MAML2: variants seen among roughly 807,000 people sequenced by gnomAD.
MAML2 encodes the protein mastermind like transcriptional coactivator 2, also known as mastermind-like protein 2.
MAML2 carries 22 observed loss-of-function variants against 96.1 expected under a neutral mutation model. The ratio of observed to expected loss-of-function variants is 0.23; its 90% CI spans 0.16 to 0.33. MAML2 has a LOEUF of 0.33. Among genes scored for constraint, MAML2 ranks in the 10% least tolerant of loss-of-function variants. The pLI is 1.00. For synonymous variants in MAML2, 561 were observed against 521.3 expected (o/e 1.08, Z -1.04); for missense variants, 1,367 against 1,392.4 (o/e 0.98, Z 0.29).
At chr11:96,214,361 G>A (rs982257503) in intron 1 of MAML2, among the ~76,000 whole-genome samples, 6 of 152,172 alleles carry the variant, frequency 3.9e-5, no homozygotes, top group Middle Eastern at 3.2e-3. Flanking sequence ...TCCAAGTTAC[G>A]TAACTTTTCA....
intron 1 of MAML2, among the ~76,000 whole-genome samples, chr11:96,274,189 T>A (rs1022169041): frequency 5.9e-5 from 9 of 151,930 alleles, no homozygotes; most frequent in African/African-American, 1.9e-4. Context: ...TTCACGCCAT[T>A]TTCCTGCGTG....
intron 2 of MAML2, among the ~76,000 whole-genome samples, chr11:96,069,781 T>A (rs926175833): frequency 9.9e-5 from 15 of 152,060 alleles, no homozygotes; most frequent in African/African-American, 3.6e-4. Context: ...TCCCAGCACT[T>A]TGGGAGGCCG....
chr11:96,008,254 A>C (rs905127501), intron 2 of MAML2, among the ~76,000 whole-genome samples: 63 of 151,904 alleles, frequency 4.1e-4, no homozygotes, highest in Non-Finnish European at 6.8e-4. Flanking sequence ...GATTCTAGTT[A>C]CTTGTAACTG....
At chr11:96,180,474 G>A (rs896365505) in intron 1 of MAML2, among the ~76,000 whole-genome samples, 1 of 152,206 alleles carries the variant, frequency 6.6e-6, no homozygotes, top group Non-Finnish European at 1.5e-5. Context: ...GGGTCACAGA[G>A]AGAGACTACA....
chr11:95,996,256 C>T (rs998137864), intron 2 of MAML2, among the ~76,000 whole-genome samples: 3 of 152,166 alleles, frequency 2.0e-5, no homozygotes, highest in South Asian at 2.1e-4. Flanking sequence ...AAGAGGTAGA[C>T]AGAGTGCTCA....
intron 1 of MAML2, among the ~76,000 whole-genome samples, chr11:96,121,780 A>ATTGTTTTT (rs1860346134): frequency 5.7e-5 from 2 of 35,244 alleles, no homozygotes; most frequent in Non-Finnish European, 9.9e-5. Flanking sequence ...CAACTGCGTG[A>ATTGTTTTT]TTTTTTTTTT....
At chr11:96,158,730 T>C (rs1395414175) in intron 1 of MAML2, among the ~76,000 whole-genome samples, 1 of 152,198 alleles carries the variant, frequency 6.6e-6, no homozygotes, top group Non-Finnish European at 1.5e-5. Context: ...CCCTAGCTCT[T>C]ATTAAAATTA....
intron 1 of MAML2, among the ~76,000 whole-genome samples, chr11:96,138,551 G>A (rs538370786): frequency 6.6e-5 from 10 of 152,232 alleles, no homozygotes; most frequent in Non-Finnish European, 1.3e-4. Context: ...GCTAATGGGC[G>A]ATCTTATTGC....
intron 1 of MAML2, among the ~76,000 whole-genome samples, chr11:96,303,854 T>C (rs149228717): frequency 1.7e-4 from 26 of 152,280 alleles, no homozygotes; most frequent in African/African-American, 6.0e-4. Context: ...AGCTGACACA[T>C]TCCCTATCCC....
At chr11:96,233,644 A>G (rs1240349130) in intron 1 of MAML2, among the ~76,000 whole-genome samples, 1 of 152,166 alleles carries the variant, frequency 6.6e-6, no homozygotes. Flanking sequence ...CCTAGTTTCA[A>G]GCTATCTTCC....
At chr11:96,271,023 C>G (rs553218948) in intron 1 of MAML2, among the ~76,000 whole-genome samples, 1 of 152,148 alleles carries the variant, frequency 6.6e-6, no homozygotes, top group Non-Finnish European at 1.5e-5. Context: ...TTCCTGCCCT[C>G]GAACATCAGA....
At chr11:96,264,445 G>A (rs1022814105) in intron 1 of MAML2, among the ~76,000 whole-genome samples, 3 of 152,210 alleles carry the variant, frequency 2.0e-5, no homozygotes, top group Non-Finnish European at 4.4e-5. Context: ...ATATGCAACA[G>A]TGTATACAAA....
chr11:96,337,256 A>G lies in MAML2; in HGVS notation c.513+4127T>C, dbSNP rs571953010. Among the ~76,000 whole-genome samples the G allele has an allele frequency of 7.9e-5, 12 of 152,332 alleles. No homozygotes were observed. In the East Asian group the frequency reaches 1.4e-3, roughly 17 times the overall value. On this transcript the variant is annotated intron_variant, in intron 1 of 4. Coordinates refer to ENST00000524717, the MANE Select transcript of MAML2 (RefSeq NM_032427.4). ...ACTCCTATCACTGTCCTAGGAGGACATTTATCATGTAGACAGCCATAGATA... is the reference window on the plus strand; with the variant it reads ...ACTCCTATCACTGTCCTAGGAGGACGTTTATCATGTAGACAGCCATAGATA...
chr11:95,983,499 G>T (rs531812318), intron 4 of MAML2, among the ~76,000 whole-genome samples: 1 of 152,210 alleles, frequency 6.6e-6, no homozygotes, highest in East Asian at 1.9e-4. Context: ...AGCACTCTAG[G>T]ATGACTATAG....
chr11:96,266,641 T>G (rs1049149667), intron 1 of MAML2, among the ~76,000 whole-genome samples: 4 of 152,062 alleles, frequency 2.6e-5, no homozygotes, highest in Non-Finnish European at 5.9e-5. Context: ...ATTGACTACC[T>G]CTCTAACTGA....
At chr11:96,147,821 G>A (rs1022666989) in intron 1 of MAML2, among the ~76,000 whole-genome samples, 6 of 152,276 alleles carry the variant, frequency 3.9e-5, no homozygotes, top group South Asian at 2.1e-4. Context: ...GGTATTGTTC[G>A]GAGCAAAGTA....
chr11:96,201,159 C>G (rs540164001), intron 1 of MAML2, among the ~76,000 whole-genome samples: 1 of 152,238 alleles, frequency 6.6e-6, no homozygotes, highest in East Asian at 1.9e-4. Context: ...TAACTACTTA[C>G]CATAATTACT....
At chr11:96,113,974 G>GCCC (rs1860180186) in intron 1 of MAML2, among the ~76,000 whole-genome samples, 1 of 151,750 alleles carries the variant, frequency 6.6e-6, no homozygotes, top group Non-Finnish European at 1.5e-5. Flanking sequence ...ATTTGATGAA[G>GCCC]CCCCGCTCTA....
intron 1 of MAML2, among the ~76,000 whole-genome samples, chr11:96,097,593 G>A (rs188145520): frequency 9.9e-5 from 15 of 152,220 alleles, no homozygotes; most frequent in Admixed American, 9.8e-4. Context: ...AGTGCCCAGG[G>A]CTCACAACAG....
Sources: gnomAD v4.1 joint callset for allele counts (sites outside exome capture counted in the v4.1 genomes callset) on GRCh38, gnomAD v4.1.1 for gene constraint, MANE v1.5 for transcripts, NCBI Gene and HGNC (gene_info 2026-07-23, HGNC 2026-07-21) for gene names.